ITGA9: variants seen among roughly 807,000 people sequenced by gnomAD.
ITGA9 encodes the protein integrin alpha-9.
Under a neutral mutation model 127.8 loss-of-function variants are expected in ITGA9, and 56 were observed. The ratio of observed to expected loss-of-function variants is 0.44; its 90% CI spans 0.35 to 0.55. The LOEUF is 0.55. Ranked by LOEUF, ITGA9 falls within the 20% of genes least tolerant of loss-of-function variation. ITGA9 has a pLI of 0.00. For missense variants in ITGA9, 1,196 were observed against 1,347.1 expected (o/e 0.89, Z 1.76); for synonymous variants, 508 against 514.5 (o/e 0.99, Z 0.17).
chr3:37,502,828 G>C (rs577941999), intron 5 of ITGA9, among the ~76,000 whole-genome samples: 1 of 152,274 alleles, frequency 6.6e-6, no homozygotes, highest in African/African-American at 2.4e-5. Context: ...GTGTTCCCCA[G>C]AATCTGTGGT....
At chr3:37,521,945 C>T (rs7644432) in intron 11 of ITGA9, among the ~76,000 whole-genome samples, 6,907 of 152,092 alleles carry the variant, frequency 0.045, 436 homozygotes, top group African/African-American at 0.15. Flanking sequence ...GATGGCTTAA[C>T]GGAGGATGGC....
At chr3:37,717,270 A>G (rs1348504296) in intron 18 of ITGA9, among the ~76,000 whole-genome samples, 2 of 152,234 alleles carry the variant, frequency 1.3e-5, no homozygotes, top group African/African-American at 4.8e-5. Flanking sequence ...GCAGCCACAA[A>G]GGCCTATTCA....
intron 11 of ITGA9, among the ~76,000 whole-genome samples, chr3:37,519,697 G>C (rs1313377678): frequency 6.6e-6 from 1 of 150,556 alleles, no homozygotes; most frequent in African/African-American, 2.5e-5. Context: ...AAAGGAATAT[G>C]TTTTAATATA....
At position 37,747,716 on chromosome 3, in the gene ITGA9, C is replaced by CTT. The variant is rs56897652; in HGVS notation, c.2434-2735_2434-2734dup. ...CTGGCTTATTTCTTTCCTTTTTTTT[C>CTT]TTTTTTTTTTTTGTTTTGTTTTGTT... On this transcript the variant is annotated intron_variant, in intron 22 of 27. Transcript: ENST00000264741. 3.4e-3 allele frequency among the ~76,000 whole-genome samples: 481 copies of CTT among 140,060 alleles called. 2 individuals are homozygous for CTT. The highest frequency in any genetic ancestry group is 7.6e-3 in the Middle Eastern group (2 of 264). 91.9% of individuals were successfully genotyped at this position (140,060 alleles called of 152,430 possible).
At chr3:37,753,347 A>T (rs1341026409) in intron 23 of ITGA9, among the ~76,000 whole-genome samples, 1 of 152,236 alleles carries the variant, frequency 6.6e-6, no homozygotes, top group Non-Finnish European at 1.5e-5. Flanking sequence ...TGCCATTGTA[A>T]TACCGTATAA....
At chr3:37,490,636 C>T (rs754302038) in intron 4 of ITGA9, among the ~76,000 whole-genome samples, 3 of 152,170 alleles carry the variant, frequency 2.0e-5, no homozygotes, top group Non-Finnish European at 4.4e-5. Context: ...TGACCCCACC[C>T]GATTGGTGGT....
At chr3:37,534,427 C>G (rs1699188725) in intron 14 of ITGA9, among the ~76,000 whole-genome samples, 1 of 152,230 alleles carries the variant, frequency 6.6e-6, no homozygotes, top group Non-Finnish European at 1.5e-5. Context: ...TCTTCATTTT[C>G]ACAAGAGCCC....
chr3:37,609,648 A>G (rs1348568870), intron 15 of ITGA9, among the ~76,000 whole-genome samples: 2 of 152,214 alleles, frequency 1.3e-5, no homozygotes, highest in African/African-American at 2.4e-5. Flanking sequence ...CAATTTTATC[A>G]TGCTCACAGA....
chr3:37,615,318 A>C (rs551897288), intron 15 of ITGA9, among the ~76,000 whole-genome samples: 2 of 152,294 alleles, frequency 1.3e-5, no homozygotes, highest in Non-Finnish European at 1.5e-5. Flanking sequence ...GATGAAGCCC[A>C]CTTGATCGTG....
intron 12 of ITGA9, among the ~76,000 whole-genome samples, 153 bp downstream of exon 12, chr3:37,523,764 A>G (rs1340138666): frequency 2.6e-5 from 4 of 152,206 alleles, no homozygotes; most frequent in Non-Finnish European, 5.9e-5. Flanking sequence ...TTCAATTTTA[A>G]GGTGAAAATA....
chr3:37,634,085 A>G (rs1054658163), intron 16 of ITGA9, among the ~76,000 whole-genome samples: 1 of 152,160 alleles, frequency 6.6e-6, no homozygotes, highest in Non-Finnish European at 1.5e-5. Context: ...GCAAAAACCT[A>G]TAGTAATACA....
At chr3:37,681,837 C>T (rs768617211) in intron 17 of ITGA9, among the ~76,000 whole-genome samples, 6 of 152,030 alleles carry the variant, frequency 3.9e-5, no homozygotes, top group Non-Finnish European at 5.9e-5. Flanking sequence ...CATCTCCTCA[C>T]CTCTCAAACG....
At chr3:37,702,758 C>T (rs1439238322) in intron 18 of ITGA9, among the ~76,000 whole-genome samples, 1 of 152,098 alleles carries the variant, frequency 6.6e-6, no homozygotes, top group Non-Finnish European at 1.5e-5. Flanking sequence ...TCTTGACAAT[C>T]ACAGTTGGGA....
In ITGA9 at chr3:37,513,861, G is replaced by C; in HGVS notation, c.996G>C (p.Arg332Ser). ...LVGAPMFSEI[R>S]DEGQVTVYIN... ...GGGCCCCCATGTTTTCTGAGATCAG[G>C]GATGAGGGACAGGTCACTGTCTACA... Residue 332 changes from arginine to serine, a missense_variant, in exon 9 of 28, where the codon AGG (arginine) becomes AGC (serine). By Grantham distance (110) the Arg-to-Ser change is moderately radical. Transcript: ENST00000264741. 1 of 1,613,752 alleles carries C rather than the reference G, an allele frequency of 6.2e-7. No homozygotes were observed. Among genetic ancestry groups the C allele is most frequent in the Non-Finnish European group, 8.5e-7 (1 of 1,180,028 alleles).
chr3:37,531,637 G>A (rs1464988190), intron 13 of ITGA9, among the ~76,000 whole-genome samples: 1 of 152,174 alleles, frequency 6.6e-6, no homozygotes, highest in African/African-American at 2.4e-5. Context: ...GCGCGTCAGG[G>A]ACCAGGCAAG....
chr3:37,512,080 C>T (rs1352598496), intron 8 of ITGA9, among the ~76,000 whole-genome samples: 1 of 88,452 alleles, frequency 1.1e-5, no homozygotes, highest in Non-Finnish European at 2.0e-5. Context: ...TTCTTTCCTT[C>T]CTTCCTTCCT....
Position 37,507,459 on chromosome 3 carries a change from T to C in ITGA9, c.829-1100T>C, listed in dbSNP as rs76322915. ...GTTTTATAGTTTTTCCTTCAGATGA[T>C]TGTGATGAACTTCATAGTCCCTGTC... On this transcript the variant is annotated intron_variant, in intron 7 of 27. Transcript: ENST00000264741. Among the ~76,000 whole-genome samples, 350 of 152,286 alleles carry C rather than the reference T, an allele frequency of 2.3e-3. 1 individual carries two copies. Among genetic ancestry groups the C allele is most frequent in the African/African-American group, 8.1e-3 (338 of 41,552 alleles).
At chr3:37,548,992 T>G (rs1322349424) in intron 15 of ITGA9, among the ~76,000 whole-genome samples, 1 of 152,190 alleles carries the variant, frequency 6.6e-6, no homozygotes, top group Non-Finnish European at 1.5e-5. Context: ...ATCATCCAGC[T>G]CAGGTGTGAA....
At chr3:37,741,708 T>G in intron 20 of ITGA9, 22 bp from the exon 21 acceptor site, 1 of 1,601,410 alleles carries the variant, frequency 6.2e-7, no homozygotes, top group Non-Finnish European at 8.5e-7. Context: ...CAGCGTTCAT[T>G]CATTCTCCTC....
Sources: allele counts gnomAD v4.1 joint callset (sites outside exome capture counted in the v4.1 genomes callset), GRCh38; gene constraint gnomAD v4.1.1; transcripts MANE v1.5; gene names NCBI Gene and HGNC (gene_info 2026-07-23, HGNC 2026-07-21).